LRMDA: variants seen among roughly 807,000 people sequenced by gnomAD.
The protein encoded by LRMDA is leucine-rich melanocyte differentiation-associated protein.
A neutral mutation model predicts 29.8 loss-of-function variants in LRMDA; 18 were observed. The ratio of observed to expected loss-of-function variants is 0.60; its 90% CI spans 0.42 to 0.90. The LOEUF (loss-of-function observed/expected upper bound fraction) is 0.90, where lower values mean the gene tolerates loss of function less well. Ranked by LOEUF, LRMDA falls within the 40% of genes least tolerant of loss-of-function variation. The probability of loss-of-function intolerance (pLI) is 0.00; values close to 1 mark genes in which losing one functional copy is unlikely to be tolerated. For synonymous variants in LRMDA, 125 were observed against 109.4 expected (o/e 1.14, Z -0.89); for missense variants, 273 against 273.9 (o/e 1.00, Z 0.02).
At chr10:76,335,809 G>T (rs1213242479) in intron 6 of LRMDA, among the ~76,000 whole-genome samples, 5 of 152,204 alleles carry the variant, frequency 3.3e-5, no homozygotes, top group Admixed American at 1.3e-4. Flanking sequence ...CCTACAGGTA[G>T]CAGGCTTCAG....
chr10:76,425,927 T>C (rs1168069437), intron 6 of LRMDA, among the ~76,000 whole-genome samples: 2 of 152,182 alleles, frequency 1.3e-5, no homozygotes, highest in Admixed American at 6.5e-5. Context: ...ACAAAGGACA[T>C]GAACTCATCA....
chr10:75,910,075 GAGAAAC>G, intron 2 of LRMDA, among the ~76,000 whole-genome samples: 1 of 152,326 alleles, frequency 6.6e-6, no homozygotes, highest in Admixed American at 6.5e-5. Flanking sequence ...TGTATCATAG[GAGAAAC>G]TTGAGTTGGG....
chr10:75,940,915 A>T (rs1334215842), intron 2 of LRMDA, among the ~76,000 whole-genome samples: 2 of 152,070 alleles, frequency 1.3e-5, no homozygotes, highest in South Asian at 4.2e-4. Context: ...GGTTTGTTAT[A>T]TCTGAATGGA....
intron 2 of LRMDA, among the ~76,000 whole-genome samples, chr10:75,721,543 GTC>G (rs886835459): frequency 3.9e-4 from 59 of 152,228 alleles, no homozygotes; most frequent in African/African-American, 1.3e-3. Flanking sequence ...GAAAAATAGA[GTC>G]TCTGGTGATG....
intron 2 of LRMDA, among the ~76,000 whole-genome samples, chr10:75,444,478 G>A (rs1844366407): frequency 6.6e-6 from 1 of 152,178 alleles, no homozygotes; most frequent in African/African-American, 2.4e-5. Context: ...CAGGAACCAA[G>A]TCAGCCATAG....
chr10:76,308,008 A>G (rs1840579795), intron 5 of LRMDA, among the ~76,000 whole-genome samples: 2 of 152,284 alleles, frequency 1.3e-5, no homozygotes, highest in South Asian at 4.1e-4. Context: ...GAAATGTAGC[A>G]AGTGGTCCCC....
intron 2 of LRMDA, among the ~76,000 whole-genome samples, chr10:75,530,090 AT>A (rs1845459671): frequency 6.6e-6 from 1 of 152,024 alleles, no homozygotes; most frequent in Non-Finnish European, 1.5e-5. Context: ...GTAGTTACAT[AT>A]TTATTTTACA....
chr10:76,153,801 A>G (rs192181763), intron 5 of LRMDA, among the ~76,000 whole-genome samples: 1 of 152,278 alleles, frequency 6.6e-6, no homozygotes, highest in East Asian at 1.9e-4. Context: ...TGCTTCCTGT[A>G]CCTAGAACAG....
At chr10:75,560,543 T>G (rs1014414444) in intron 2 of LRMDA, among the ~76,000 whole-genome samples, 3 of 151,766 alleles carry the variant, frequency 2.0e-5, no homozygotes, top group African/African-American at 4.8e-5. Context: ...CCTGCCTAAT[T>G]GCCCTGGTCA....
chr10:76,054,834 C>T (rs1454141808), intron 4 of LRMDA, among the ~76,000 whole-genome samples: 1 of 151,276 alleles, frequency 6.6e-6, no homozygotes, highest in East Asian at 2.0e-4. Context: ...GTAATTCCAG[C>T]AGATGGATCA....
At chr10:76,172,417 G>A (rs1039502331) in intron 5 of LRMDA, among the ~76,000 whole-genome samples, 1 of 152,236 alleles carries the variant, frequency 6.6e-6, no homozygotes, top group African/African-American at 2.4e-5. Context: ...TGCAGGGAGG[G>A]CCAACTCAAA....
intron 2 of LRMDA, among the ~76,000 whole-genome samples, chr10:76,020,161 G>A (rs1005361203): frequency 6.6e-6 from 1 of 152,214 alleles, no homozygotes; most frequent in Non-Finnish European, 1.5e-5. Flanking sequence ...GTCTGACCCA[G>A]ACTGGACCAG....
intron 6 of LRMDA, among the ~76,000 whole-genome samples, chr10:76,450,513 G>A (rs542722970): frequency 6.6e-6 from 1 of 151,990 alleles, no homozygotes; most frequent in South Asian, 2.1e-4. Flanking sequence ...TTTCTCTGGG[G>A]CAATTTCTAT....
intron 2 of LRMDA, among the ~76,000 whole-genome samples, chr10:75,659,259 G>A (rs181241137): frequency 6.6e-6 from 1 of 152,172 alleles, no homozygotes; most frequent in South Asian, 2.1e-4. Flanking sequence ...CTTCATCAAG[G>A]TTGGCAAGTG....
chr10:76,165,110 T>A (rs534777507), intron 5 of LRMDA, among the ~76,000 whole-genome samples: 2 of 151,988 alleles, frequency 1.3e-5, no homozygotes, highest in Non-Finnish European at 2.9e-5. Flanking sequence ...GTAGCTGGGA[T>A]TACAGGCACC....
chr10:75,840,274 G>C (rs1054486850), intron 2 of LRMDA, among the ~76,000 whole-genome samples: 2 of 151,998 alleles, frequency 1.3e-5, no homozygotes, highest in Non-Finnish European at 2.9e-5. Flanking sequence ...CCAAAGGATT[G>C]AGAACCCTCT....
At chr10:76,336,653 C>T (rs1441530455) in intron 6 of LRMDA, among the ~76,000 whole-genome samples, 2 of 152,116 alleles carry the variant, frequency 1.3e-5, no homozygotes, top group Non-Finnish European at 2.9e-5. Flanking sequence ...TAAATTGCTG[C>T]TTCCCCAACT....
In LRMDA at chr10:75,486,645, T is replaced by TG. The variant is rs1179883025; in HGVS notation, c.131+48159dup. Among the ~76,000 whole-genome samples the TG allele has an allele frequency of 8.0e-4, 121 of 151,074 alleles. 1 individual carries two copies. The highest frequency in any genetic ancestry group is 6.8e-3 in the Middle Eastern group (2 of 294). ...GAATTTGTAAAGGGGCATTCTGGTC[T>TG]GGGGGGGGCAACATGAGCAAAGTTG... On this transcript the variant is annotated intron_variant, in intron 2 of 6. Transcript: ENST00000611255.
Position 76,496,335 on chromosome 10 carries a change from T to C in LRMDA, c.602-60874T>C, listed in dbSNP as rs866031459. On this transcript the variant is annotated intron_variant, in intron 6 of 6. Coordinates refer to ENST00000611255, the MANE Select transcript of LRMDA (RefSeq NM_001305581.2). ...TCTCTGCAACTTTCCAGAGCTTTTT[T>C]GATACAGCTCTATCTGCTGCAGTAA... Among the ~76,000 whole-genome samples the C allele has an allele frequency of 2.6e-5, 2 of 76,216 alleles. 1 individual carries two copies. Among genetic ancestry groups the C allele is most frequent in the Non-Finnish European group, 8.8e-5 (2 of 22,854 alleles). 50.0% of individuals were successfully genotyped at this position (76,216 alleles called of 152,430 possible). A position where few individuals can be genotyped will look rare whatever the true frequency, so the allele number is the denominator to read the frequency against.
Sources: gnomAD v4.1 joint callset for allele counts (sites outside exome capture counted in the v4.1 genomes callset) on GRCh38, gnomAD v4.1.1 for gene constraint, MANE v1.5 for transcripts, NCBI Gene and HGNC (gene_info 2026-07-23, HGNC 2026-07-21) for gene names.